Variants in ROBO2 observed in about 807,000 individuals in gnomAD.
The protein encoded by ROBO2 is roundabout homolog 2.
In ROBO2, 53 loss-of-function variants were observed where a neutral mutation model predicts 160.8. The ratio of observed to expected loss-of-function variants is 0.33; its 90% CI spans 0.26 to 0.41. The LOEUF is 0.41. Ranked by LOEUF, ROBO2 falls within the 10% of genes least tolerant of loss-of-function variation. The pLI, the probability that ROBO2 is intolerant of heterozygous loss-of-function variation, is 1.00. For missense variants in ROBO2, 1,577 were observed against 1,722.4 expected (o/e 0.92, Z 1.49); for synonymous variants, 664 against 611.7 (o/e 1.09, Z -1.26).
chr3:77,546,055 T>C (rs941249189), intron 6 of ROBO2, among the ~76,000 whole-genome samples: 1 of 152,124 alleles, frequency 6.6e-6, no homozygotes, highest in Non-Finnish European at 1.5e-5. Flanking sequence ...TTAAAAATGT[T>C]AAAATCATTT....
In ROBO2 at chr3:77,513,914, C is replaced by G. The variant is rs149566089; in HGVS notation, c.807-8861C>G. The stretch of plus-strand genomic sequence containing the variant: ...ATCTCTATGGTGGGGACTGTCGGCA[C>G]ACGATTGTACAACTCTCATTAATCA... On this transcript the variant is annotated intron_variant, in intron 5 of 25. Transcript: ENST00000461745. 2.6e-5 allele frequency among the ~76,000 whole-genome samples: 4 copies of G among 151,854 alleles called. No homozygotes were observed. The East Asian group carries it at 7.8e-4, about 30-fold the overall frequency.
chr3:77,439,094 A>G (rs971131683), intron 2 of ROBO2, among the ~76,000 whole-genome samples: 17 of 151,958 alleles, frequency 1.1e-4, no homozygotes, highest in Admixed American at 7.2e-4. Flanking sequence ...CATTCAAACC[A>G]TTTTTAAATT....
chr3:76,400,009 G>GT (rs1208310396), intron 2 of ROBO2, among the ~76,000 whole-genome samples: 3 of 151,622 alleles, frequency 2.0e-5, no homozygotes, highest in Non-Finnish European at 4.4e-5. Flanking sequence ...TACGACAAGT[G>GT]TAGCAACTTC....
chr3:76,220,098 G>A (rs1464928321), intron 2 of ROBO2, among the ~76,000 whole-genome samples: 7 of 147,960 alleles, frequency 4.7e-5, no homozygotes, highest in South Asian at 2.2e-4. Context: ...AACACCGCAT[G>A]TTCTCACTCA....
chr3:75,986,541 A>T (rs1012210771), intron 2 of ROBO2, among the ~76,000 whole-genome samples: 1 of 151,488 alleles, frequency 6.6e-6, no homozygotes, highest in African/African-American at 2.4e-5. Flanking sequence ...TTTTTAAAAA[A>T]AGTTTATCAA....
intron 2 of ROBO2, among the ~76,000 whole-genome samples, chr3:76,947,509 T>A (rs2078637019): frequency 6.6e-6 from 1 of 152,224 alleles, no homozygotes; most frequent in African/African-American, 2.4e-5. Flanking sequence ...AACACGTTTT[T>A]TCTTAGTTAA....
At chr3:77,508,958 G>T (rs1299924966) in intron 5 of ROBO2, among the ~76,000 whole-genome samples, 1 of 152,028 alleles carries the variant, frequency 6.6e-6, no homozygotes, top group Non-Finnish European at 1.5e-5. Flanking sequence ...GGGATAGACT[G>T]CTTCAACAAA....
intron 2 of ROBO2, among the ~76,000 whole-genome samples, chr3:76,180,517 G>C (rs578213248): frequency 3.3e-5 from 5 of 152,104 alleles, no homozygotes; most frequent in Non-Finnish European, 5.9e-5. Context: ...TAGAAACTTT[G>C]GTATCTTTGA....
chr3:76,634,040 G>T (rs1283454233), intron 2 of ROBO2, among the ~76,000 whole-genome samples: 4 of 152,188 alleles, frequency 2.6e-5, no homozygotes, highest in African/African-American at 9.7e-5. Flanking sequence ...GTATTCATTT[G>T]CTAACATCAC....
At chr3:77,228,941 C>A (rs917394132) in intron 2 of ROBO2, among the ~76,000 whole-genome samples, 4 of 152,178 alleles carry the variant, frequency 2.6e-5, no homozygotes, top group African/African-American at 9.7e-5. Context: ...ATTTTTAGGT[C>A]TCATGCAATT....
chr3:76,641,319 G>A (rs921785651), intron 2 of ROBO2, among the ~76,000 whole-genome samples: 1 of 152,052 alleles, frequency 6.6e-6, no homozygotes, highest in African/African-American at 2.4e-5. Context: ...GCAATATCAG[G>A]TACTCTTTGA....
At chr3:77,123,824 C>T (rs965400231) in intron 2 of ROBO2, among the ~76,000 whole-genome samples, 1 of 148,068 alleles carries the variant, frequency 6.8e-6, no homozygotes, top group Non-Finnish European at 1.5e-5. Context: ...ATACACATAT[C>T]TATATACATA....
chr3:76,958,120 G>C (rs1383186187), intron 2 of ROBO2, among the ~76,000 whole-genome samples: 1 of 152,138 alleles, frequency 6.6e-6, no homozygotes, highest in African/African-American at 2.4e-5. Flanking sequence ...ATATTTCCAA[G>C]GTGAAATAAA....
At chr3:75,996,254 T>A (rs1576419818) in intron 2 of ROBO2, among the ~76,000 whole-genome samples, 1 of 152,184 alleles carries the variant, frequency 6.6e-6, no homozygotes, top group Non-Finnish European at 1.5e-5. Context: ...GGGAGGGACC[T>A]AGTGGGAGGC....
chr3:77,183,585 C>A (rs1189289703), intron 2 of ROBO2, among the ~76,000 whole-genome samples: 1 of 151,910 alleles, frequency 6.6e-6, no homozygotes, highest in Admixed American at 6.6e-5. Flanking sequence ...CCCTGCTGAC[C>A]CCTTGATCTT....
intron 2 of ROBO2, among the ~76,000 whole-genome samples, chr3:76,387,137 G>T (rs1429680722): frequency 2.0e-5 from 3 of 152,120 alleles, no homozygotes; most frequent in Non-Finnish European, 4.4e-5. Flanking sequence ...ACATGGCAGG[G>T]TCGAGGGGGA....
intron 2 of ROBO2, among the ~76,000 whole-genome samples, chr3:77,423,791 G>A (rs2077929060): frequency 6.6e-6 from 1 of 152,072 alleles, no homozygotes; most frequent in South Asian, 2.1e-4. Context: ...ACTCCACCCT[G>A]GTGCTTCCTA....
At chr3:77,597,757 C>A (rs1583190018) in intron 19 of ROBO2, among the ~76,000 whole-genome samples, 1 of 151,844 alleles carries the variant, frequency 6.6e-6, no homozygotes, top group African/African-American at 2.4e-5. Flanking sequence ...ATTTTAAGTT[C>A]CACAAATAAA....
intron 2 of ROBO2, among the ~76,000 whole-genome samples, chr3:76,654,096 C>G (rs2091378462): frequency 6.6e-6 from 1 of 152,270 alleles, no homozygotes; most frequent in African/African-American, 2.4e-5. Context: ...AATCTAAGCA[C>G]TCTGTCATGC....
Sources: allele counts gnomAD v4.1 joint callset (sites outside exome capture counted in the v4.1 genomes callset), GRCh38; gene constraint gnomAD v4.1.1; transcripts MANE v1.5; gene names NCBI Gene and HGNC (gene_info 2026-07-23, HGNC 2026-07-21).